C1orf116: variants seen among roughly 807,000 people sequenced by gnomAD.
C1orf116 encodes specifically androgen-regulated gene protein.
In C1orf116, 12 loss-of-function variants were observed where a neutral mutation model predicts 14.1. The observed-to-expected ratio is 0.85, with a 90% confidence interval of 0.54 to 1.38. C1orf116 has a LOEUF of 1.38. Ranked by LOEUF, C1orf116 falls within the 40% of genes most tolerant of loss-of-function variation. The pLI is 0.00. For missense variants in C1orf116, 797 were observed against 747.0 expected (o/e 1.07, Z -0.78); for synonymous variants, 296 against 299.0 (o/e 0.99, Z 0.10).
At position 207,027,527 on chromosome 1, in the gene C1orf116, G is replaced by T. The variant is rs1273479262; in HGVS notation, c.72C>A (p.Ser24Arg). 1.2e-6 allele frequency: 2 copies of T among 1,613,702 alleles called. No homozygotes were observed. The highest frequency in any genetic ancestry group is 2.7e-5 in the African/African-American group (2 of 74,930). The change falls in exon 2 of 4, where the codon AGC (serine) becomes AGA (arginine). Residue 24 changes from serine (S) to arginine (R), a missense_variant. Transcript: ENST00000359470. Reference sequence around the variant, plus strand: ...AGCGGGTGGAGGTGCTGCTCATCATGCTGTCACAGCTGCCGACACGGGTCA... The same window carrying T: ...AGCGGGTGGAGGTGCTGCTCATCATTCTGTCACAGCTGCCGACACGGGTCA... The part of the protein sequence containing the change: ...EPVTRVGSCD[S>R]MMSSTSTRSG...
chr1:207,028,349 T>C lies in C1orf116; in HGVS notation c.-81-670A>G, dbSNP rs1338728886. Among the ~76,000 whole-genome samples the C allele has an allele frequency of 2.6e-5, 4 of 152,302 alleles. No homozygotes were observed. The East Asian group carries it at 7.7e-4, about 29-fold the overall frequency. ...AGGTCCCTTAATAATACCTACCTCA[T>C]GGGGTTATTGTGAGAACGTTTAAAA... On this transcript the variant is annotated intron_variant, in intron 1 of 3. Coordinates refer to ENST00000359470, the MANE Select transcript of C1orf116 (RefSeq NM_023938.6).
Position 207,023,226 on chromosome 1 carries a change from T to G in C1orf116, c.538A>C (p.Arg180=), listed in dbSNP as rs879088336. ...KEQVSQSSQP[R]QAPASPQEAA... is the part of the protein sequence containing the mutation. ...TCCTGGGGGCTGGCAGGTGCCTGCC[T>G]GGGTTGGCTGCTCTGGCTGACCTGT... is the stretch of plus-strand genomic sequence containing the variant. The change falls in exon 4 of 4, where the codon AGG becomes CGG. Residue 180 remains arginine, a synonymous_variant. Transcript: ENST00000359470. 2 of 1,610,974 alleles carry G rather than the reference T, an allele frequency of 1.2e-6. No homozygotes were observed. The highest frequency in any genetic ancestry group is 1.7e-6 in the Non-Finnish European group (2 of 1,178,358).
At chr1:207,027,800 C>T (rs986641744) in intron 1 of C1orf116, 121 bp from the exon 2 acceptor site, 2 of 1,146,434 alleles carry the variant, frequency 1.7e-6, no homozygotes, top group Non-Finnish European at 2.4e-6. Flanking sequence ...GGGGCATGAA[C>T]AGCCACTGCC....
At chr1:207,025,129 A>G (rs1264350523) in intron 2 of C1orf116, 65 bp from the exon 3 acceptor site, 1 of 1,146,860 alleles carries the variant, frequency 8.7e-7, no homozygotes, top group Non-Finnish European at 1.2e-6. Context: ...GAAGAACAGG[A>G]GAGGGAGAGA....
intron 1 of C1orf116, among the ~76,000 whole-genome samples, chr1:207,029,955 T>G (rs1447737136): frequency 2.0e-5 from 3 of 152,166 alleles, no homozygotes; most frequent in Non-Finnish European, 4.4e-5. Flanking sequence ...TCAGAGAAAA[T>G]TACTACCCTT....
At chr1:207,023,621 T>A in intron 3 of C1orf116, 141 bp from the exon 4 acceptor site, 1 of 1,282,508 alleles carries the variant, frequency 7.8e-7, no homozygotes, top group Admixed American at 3.2e-5. Flanking sequence ...TTGCCTTGTT[T>A]TCTTTGCTTT....
intron 1 of C1orf116, among the ~76,000 whole-genome samples, chr1:207,029,278 G>A (rs1264168890): frequency 6.6e-6 from 1 of 152,132 alleles, no homozygotes; most frequent in South Asian, 2.1e-4. Context: ...AGGAGATAAG[G>A]AGGGGACTGG....
In C1orf116 at chr1:207,021,747, C is replaced by G. The variant is rs1168955269; in HGVS notation, c.*211G>C. 3.3e-6 allele frequency: 1 copy of G among 305,048 alleles called. No homozygotes were observed. Among genetic ancestry groups the G allele is most frequent in the Non-Finnish European group, 5.9e-6 (1 of 168,856 alleles). 18.9% of individuals were successfully genotyped at this position (305,048 alleles called of 1,614,324 possible). A position where few individuals can be genotyped will look rare whatever the true frequency, so the allele number is the denominator to read the frequency against. On this transcript the variant is annotated 3_prime_UTR_variant, in exon 4 of 4. Transcript: ENST00000359470. ...GCCCCCCCTCCACACACACACCAAA[C>G]ACACACACACACACCCTCTTGTGGA...
At position 207,027,627 on chromosome 1, in the gene C1orf116, AG is replaced by A; in HGVS notation, c.-30del. On this transcript the variant is annotated 5_prime_UTR_variant, in exon 2 of 4. Coordinates refer to ENST00000359470, the MANE Select transcript of C1orf116 (RefSeq NM_023938.6). Reference sequence around the variant, plus strand: ...CCGAAACAAGGTGCAGGGATGGCAAAGGGGGCTTCTAGAGGGGAAGCGAGGG... The same window carrying A: ...CCGAAACAAGGTGCAGGGATGGCAAAGGGGCTTCTAGAGGGGAAGCGAGGG... 6.2e-7 allele frequency: 1 copy of A among 1,608,078 alleles called. No homozygotes were observed.
chr1:207,024,208 TC>T (rs1681983094), intron 3 of C1orf116, among the ~76,000 whole-genome samples: 1 of 152,166 alleles, frequency 6.6e-6, no homozygotes, highest in South Asian at 2.1e-4. Context: ...AAGCCCTACG[TC>T]CCCATTTATA....
chr1:207,020,442 C>G lies in C1orf116; in HGVS notation c.*1516G>C, dbSNP rs1207014161. The G allele has an allele frequency of 6.6e-6, 1 of 152,188 alleles. No homozygotes were observed. Among genetic ancestry groups the G allele is most frequent in the Non-Finnish European group, 1.5e-5 (1 of 68,072 alleles). 9.4% of individuals were successfully genotyped at this position (152,188 alleles called of 1,614,324 possible). On this transcript the variant is annotated 3_prime_UTR_variant, in exon 4 of 4. Coordinates refer to ENST00000359470, the MANE Select transcript of C1orf116 (RefSeq NM_023938.6). ...TCATCTGCCCCTCACATCTGGGCAT[C>G]CTGGACTCCAAGCAGTTCACAACCA... is the stretch of plus-strand genomic sequence containing the variant.
At chr1:207,030,225 A>C (rs542506567) in intron 1 of C1orf116, among the ~76,000 whole-genome samples, 52 of 152,324 alleles carry the variant, frequency 3.4e-4, no homozygotes, top group Admixed American at 1.2e-3. Context: ...CGGGTGAGAA[A>C]GTTATGGCTC....
At chr1:207,024,600 T>TA (rs1440447118) in intron 3 of C1orf116, among the ~76,000 whole-genome samples, 1 of 152,234 alleles carries the variant, frequency 6.6e-6, no homozygotes, top group Non-Finnish European at 1.5e-5. Flanking sequence ...TCTGCGGTCA[T>TA]ATCTCTTTAG....
intron 2 of C1orf116, 111 bp from the exon 3 acceptor site, chr1:207,025,175 CG>C: frequency 2.4e-6 from 2 of 830,524 alleles, no homozygotes; most frequent in East Asian, 2.7e-5. Flanking sequence ...CAGAAACTGG[CG>C]GGGCCTGAGA....
At chr1:207,027,709 G>T in intron 1 of C1orf116, 30 bp from the exon 2 acceptor site, 1 of 1,500,950 alleles carries the variant, frequency 6.7e-7, no homozygotes, top group Non-Finnish European at 8.9e-7. Flanking sequence ...AGCCACACAT[G>T]AGCCGAGGCT....
At position 207,023,065 on chromosome 1, in the gene C1orf116, T is replaced by C. The variant is rs1308515973; in HGVS notation, c.699A>G (p.Pro233=). 2.5e-5 allele frequency: 41 copies of C among 1,612,774 alleles called. No individual in the cohort carries two copies. Among genetic ancestry groups the C allele is most frequent in the Non-Finnish European group, 3.3e-5 (39 of 1,180,010 alleles). The change falls in exon 4 of 4, where the codon CCA becomes CCG. Residue 233 remains proline, a synonymous_variant. Transcript: ENST00000359470. ...QQGHTPQLHT[P]SSSQEREQTP... is the part of the protein sequence containing the mutation. ...TCTGCTCTCTTTCCTGGGAGCTGGA[T>C]GGTGTGTGGAGCTGGGGTGTGTGGC... is the stretch of plus-strand genomic sequence containing the variant.
chr1:207,023,032 T>C lies in C1orf116; in HGVS notation c.732A>G (p.Ser244=). The C allele has an allele frequency of 6.2e-7, 1 of 1,613,562 alleles. No homozygotes were observed. Among genetic ancestry groups the C allele is most frequent in the Non-Finnish European group, 8.5e-7 (1 of 1,180,032 alleles). Residue 244 remains serine, a synonymous_variant, in exon 4 of 4, where the codon TCA becomes TCG. Transcript: ENST00000359470. The part of the protein sequence containing the change: ...SSSQEREQTP[S]EAMSQKAKET... Reference sequence around the variant, plus strand: ...CCTTGGCTTTTTGGGACATGGCTTCTGAAGGAGTCTGCTCTCTTTCCTGGG... The same window carrying C: ...CCTTGGCTTTTTGGGACATGGCTTCCGAAGGAGTCTGCTCTCTTTCCTGGG...
At position 207,020,231 on chromosome 1, in the gene C1orf116, G is replaced by T. The variant is rs899811665; in HGVS notation, c.*1727C>A. ...CAGGCTTTTGGATGTGCGTGTATGAGCAAACGTACACAGAAACCGCCACAC... is the reference window on the plus strand; with the variant it reads ...CAGGCTTTTGGATGTGCGTGTATGATCAAACGTACACAGAAACCGCCACAC... On this transcript the variant is annotated 3_prime_UTR_variant, in exon 4 of 4. Transcript: ENST00000359470. The T allele has an allele frequency of 6.6e-6, 1 of 152,182 alleles. No individual in the cohort carries two copies. Among genetic ancestry groups the T allele is most frequent in the Non-Finnish European group, 1.5e-5 (1 of 68,034 alleles). 9.4% of individuals were successfully genotyped at this position (152,182 alleles called of 1,614,324 possible).
At position 207,023,080 on chromosome 1, in the gene C1orf116, G is replaced by A. The variant is rs199914347; in HGVS notation, c.684C>T (p.Pro228=). ...PEGPGQQGHT[P]QLHTPSSSQE... ...GGGAGCTGGATGGTGTGTGGAGCTG[G>A]GGTGTGTGGCCCTGCTGTCCTGGCC... Residue 228 remains proline, a synonymous_variant, in exon 4 of 4, where the codon CCC becomes CCT. Coordinates refer to ENST00000359470, the MANE Select transcript of C1orf116 (RefSeq NM_023938.6). 2.2e-5 allele frequency: 36 copies of A among 1,612,610 alleles called. No individual in the cohort carries two copies. In the African/African-American group the frequency reaches 4.5e-4, roughly 20 times the overall value.
Sources: allele counts gnomAD v4.1 joint callset (sites outside exome capture counted in the v4.1 genomes callset), GRCh38; gene constraint gnomAD v4.1.1; transcripts MANE v1.5; gene names NCBI Gene and HGNC (gene_info 2026-07-23, HGNC 2026-07-21).